The following RIPK2 variants were observed in gnomAD, a reference collection of about 807,000 sequenced individuals.
RIPK2 encodes receptor interacting serine/threonine kinase 2, also known as receptor-interacting serine/threonine-protein kinase 2.
A neutral mutation model predicts 60.9 loss-of-function variants in RIPK2; 38 were observed. The observed-to-expected ratio is 0.62, with a 90% CI of 0.48 to 0.82. The LOEUF is 0.82. Among genes scored for constraint, RIPK2 ranks in the 40% least tolerant of loss-of-function variants. The probability of loss-of-function intolerance (pLI) is 0.00; values close to 1 mark genes in which losing one functional copy is unlikely to be tolerated. For synonymous variants in RIPK2, 225 were observed against 223.4 expected, an observed-to-expected ratio of 1.01 and a Z score of -0.06; for missense variants, 518 against 647.0, an observed-to-expected ratio of 0.80 and a Z score of 2.16.
intron 7 of RIPK2, among the ~76,000 whole-genome samples, chr8:89,782,865 A>G (rs1215655669): frequency 6.6e-6 from 1 of 152,216 alleles, no homozygotes; most frequent in Non-Finnish European, 1.5e-5. Flanking sequence ...TTGAATTATC[A>G]TAACTGATCA....
At chr8:89,764,311 G>A (rs549789258) in intron 2 of RIPK2, among the ~76,000 whole-genome samples, 64 of 152,186 alleles carry the variant, frequency 4.2e-4, no homozygotes, top group African/African-American at 1.4e-3. Context: ...TTATCTTGAA[G>A]TGCCCTCCCC....
intron 8 of RIPK2, among the ~76,000 whole-genome samples, chr8:89,786,290 G>A (rs77653907): frequency 0.067 from 10,190 of 151,738 alleles, 572 homozygotes; most frequent in East Asian, 0.26. Context: ...CCTGGGCAAC[G>A]TAGCGAAACC....
Position 89,787,120 on chromosome 8 carries a change from C to T in RIPK2, c.1123+434C>T, listed in dbSNP as rs1809600300. On this transcript the variant is annotated intron_variant, in intron 9 of 10. Coordinates refer to ENST00000220751, the MANE Select transcript of RIPK2 (RefSeq NM_003821.6). ...GGGAGGTTGCAGTGAGCCGAGATTG[C>T]ACCACCACACTCCATCCTGGGCGAC... Among the ~76,000 whole-genome samples, 4 of 152,072 alleles carry T rather than the reference C, an allele frequency of 2.6e-5. No homozygotes were observed. In the South Asian group the frequency reaches 8.3e-4, roughly 32 times the overall value.
chr8:89,789,417 G>A lies in RIPK2; in HGVS notation c.1220G>A (p.Cys407Tyr), dbSNP rs778668625. 6.2e-7 allele frequency: 1 copy of A among 1,614,096 alleles called. No homozygotes were observed. The highest frequency in any genetic ancestry group is 1.7e-5 in the Admixed American group (1 of 60,022). Residue 407 changes from cysteine to tyrosine, a missense_variant, in exon 10 of 11, where the codon TGT (cysteine) becomes TAT (tyrosine). Around this residue, in one of 3 missense-constraint regions of RIPK2, gnomAD observed 448 missense variants for 534.7 expected, o/e 0.84. Transcript: ENST00000220751. ...TCTGGATCTCAAAGGGCTGCATTCT[G>A]TGATCACAAGACCACTCCATGCTCT... The part of the protein sequence containing the change: ...TISGSQRAAF[C>Y]DHKTTPCSSA...
At position 89,758,653 on chromosome 8, in the gene RIPK2, T is replaced by C. The variant is rs1809092383; in HGVS notation, c.173+420T>C. On this transcript the variant is annotated intron_variant, in intron 1 of 10. Transcript: ENST00000220751. ...TATTTTTGAAATTGGGCTGTAGGGCTGCACTGTCCAGTAGGTAGCTCTTAG... is the reference window on the plus strand; with the variant it reads ...TATTTTTGAAATTGGGCTGTAGGGCCGCACTGTCCAGTAGGTAGCTCTTAG... 1.3e-5 allele frequency among the ~76,000 whole-genome samples: 2 copies of C among 152,236 alleles called. 1 individual carries two copies. The highest frequency in any genetic ancestry group is 1.3e-4 in the Admixed American group (2 of 15,286).
intron 4 of RIPK2, 145 bp from the exon 5 acceptor site, chr8:89,771,596 C>T (rs988218973): frequency 1.4e-5 from 7 of 504,746 alleles, no homozygotes; most frequent in Non-Finnish European, 2.1e-5. Context: ...GAGCATTTAT[C>T]ATCTTCATTG....
intron 1 of RIPK2, among the ~76,000 whole-genome samples, chr8:89,760,930 T>TG (rs1446690803): frequency 6.6e-6 from 1 of 152,154 alleles, no homozygotes; most frequent in South Asian, 2.1e-4. Context: ...CTAAATCTCT[T>TG]GGGGCAGATA....
chr8:89,772,302 A>G (rs560456723), intron 5 of RIPK2, among the ~76,000 whole-genome samples: 50 of 151,980 alleles, frequency 3.3e-4, no homozygotes, highest in Non-Finnish European at 4.0e-4. Flanking sequence ...ACAAAAAACA[A>G]CCTCGGAATC....
In RIPK2 at chr8:89,778,127, T is replaced by TA. The variant is rs869269948; in HGVS notation, c.854-1940dup. 4.7e-5 allele frequency among the ~76,000 whole-genome samples: 7 copies of TA among 149,612 alleles called. No individual in the cohort carries two copies. The East Asian group carries it at 5.9e-4, about 13-fold the overall frequency. ...AAGCAAGCAATATTTTTCCTTTTTT[T>TA]AAAAAAAATATAGGTTAACTGAATT... is the stretch of plus-strand genomic sequence containing the variant. On this transcript the variant is annotated intron_variant, in intron 6 of 10. Coordinates refer to ENST00000220751, the MANE Select transcript of RIPK2 (RefSeq NM_003821.6).
intron 6 of RIPK2, among the ~76,000 whole-genome samples, chr8:89,779,777 A>C (rs113551662): frequency 0.022 from 3,318 of 152,320 alleles, 132 homozygotes; most frequent in African/African-American, 0.076. Context: ...ATCTAAATTT[A>C]TCTGTTTCCA....
intron 1 of RIPK2, among the ~76,000 whole-genome samples, chr8:89,760,729 T>A (rs1809131066): frequency 6.6e-6 from 1 of 152,202 alleles, no homozygotes; most frequent in South Asian, 2.1e-4. Context: ...AATGAAACTA[T>A]GTTTAGAGGG....
chr8:89,774,123 C>T (rs1019924755), intron 6 of RIPK2, among the ~76,000 whole-genome samples: 2 of 151,914 alleles, frequency 1.3e-5, no homozygotes, highest in Middle Eastern at 6.8e-3. Context: ...AGCAGAGCCA[C>T]AGACTGGGAG....
chr8:89,765,542 T>G (rs1218671063), intron 3 of RIPK2, 46 bp downstream of exon 3: 1 of 1,302,964 alleles, frequency 7.7e-7, no homozygotes, highest in Non-Finnish European at 1.1e-6. Context: ...CCTTATAGTT[T>G]TAAAAATACT....
chr8:89,769,842 C>G lies in RIPK2; in HGVS notation c.554C>G (p.Pro185Arg). 1 of 1,608,804 alleles carries G rather than the reference C, an allele frequency of 6.2e-7. No individual in the cohort carries two copies. Among genetic ancestry groups the G allele is most frequent in the Non-Finnish European group, 8.5e-7 (1 of 1,177,132 alleles). ...LSQSRSSKSA[P>R]EGGTIIYMPP... ...CAGTCACGAAGTAGCAAATCTGCACCAGAAGGAGGGACAATTATCTATATG... is the reference window on the plus strand; with the variant it reads ...CAGTCACGAAGTAGCAAATCTGCACGAGAAGGAGGGACAATTATCTATATG... The change falls in exon 4 of 11, where the codon CCA (proline) becomes CGA (arginine). Residue 185 changes from proline (P) to arginine (R), a missense_variant. Transcript: ENST00000220751.
intron 7 of RIPK2, among the ~76,000 whole-genome samples, chr8:89,781,976 CA>C (rs36097206): frequency 3.9e-5 from 6 of 151,912 alleles, no homozygotes; most frequent in Admixed American, 2.0e-4. Flanking sequence ...GGCAATGTGG[CA>C]AAAAAACATA....
Position 89,782,511 on chromosome 8 carries a change from A to G in RIPK2, c.940-1539A>G, listed in dbSNP as rs570749640. On this transcript the variant is annotated intron_variant, in intron 7 of 10. Transcript: ENST00000220751. ...CACGAATTAAATAAGATTCTTCATA[A>G]AGAAATTTCTGAGCTAGGTGTGATG... is the stretch of plus-strand genomic sequence containing the variant. 8.2e-4 allele frequency among the ~76,000 whole-genome samples: 125 copies of G among 152,206 alleles called. 3 individuals are homozygous for G. In the South Asian group the frequency reaches 0.025, roughly 30 times the overall value.
At chr8:89,769,739 A>C in intron 3 of RIPK2, 33 bp from the exon 4 acceptor site, 1 of 1,467,866 alleles carries the variant, frequency 6.8e-7, no homozygotes, top group Non-Finnish European at 9.0e-7. Flanking sequence ...TTAAAGAGGA[A>C]ATTTCTTAAT....
chr8:89,773,177 G>A (rs1809342138), intron 6 of RIPK2, among the ~76,000 whole-genome samples: 1 of 152,074 alleles, frequency 6.6e-6, no homozygotes, highest in South Asian at 2.1e-4. Context: ...TAGTTGAGAA[G>A]GCAGAGTGAA....
chr8:89,762,754 C>A, intron 1 of RIPK2, 75 bp from the exon 2 acceptor site: 1 of 806,760 alleles, frequency 1.2e-6, no homozygotes, highest in Non-Finnish European at 1.8e-6. Context: ...GAAAAAAAAT[C>A]CAGGCTTAGT....
Sources: gnomAD v4.1 joint callset for allele counts (sites outside exome capture counted in the v4.1 genomes callset) on GRCh38, gnomAD v4.1.1 for gene constraint, gnomAD v4.1.1 regional missense constraint, MANE v1.5 for transcripts, NCBI Gene and HGNC (gene_info 2026-07-23, HGNC 2026-07-21) for gene names.